CELF2: variants seen among roughly 807,000 people sequenced by gnomAD.
The protein encoded by CELF2 is CUG triplet repeat RNA-binding protein 2.
CELF2 carries 8 observed loss-of-function variants against 62.6 expected under a neutral mutation model. The ratio of observed to expected loss-of-function variants is 0.13; its 90% CI spans 0.07 to 0.23. The LOEUF (loss-of-function observed/expected upper bound fraction) is 0.23. CELF2 is among the 10% of genes least tolerant of loss of function. The pLI is 1.00. For synonymous variants in CELF2, 258 were observed against 250.0 expected (o/e 1.03, Z -0.30); for missense variants, 333 against 671.0 (o/e 0.50, Z 5.56).
the CELF2 span, among the ~76,000 whole-genome samples, chr10:10,664,898 G>C: frequency 6.6e-6 from 1 of 152,210 alleles, no homozygotes; most frequent in African/African-American, 2.4e-5. Flanking sequence ...CACATTTACT[G>C]TTCGAACTAA....
Position 11,261,834 on chromosome 10 carries a change from G to T in CELF2, c.538+3962G>T, listed in dbSNP as rs75978264. Among the ~76,000 whole-genome samples the T allele has an allele frequency of 2.6e-5, 4 of 152,226 alleles. No homozygotes were observed. In the South Asian group the frequency reaches 8.3e-4, roughly 32 times the overall value. ...TGGGCCCACATGTGGCAATTCACAT[G>T]AGGTGTTTGCTCTCAGAAGCAGAGC... On this transcript the variant is annotated intron_variant, in intron 5 of 12. Coordinates refer to ENST00000633077, the MANE Select transcript of CELF2 (RefSeq NM_001326342.2).
upstream of CELF2, among the ~76,000 whole-genome samples, chr10:10,795,492 A>C (rs2054090801): frequency 6.6e-6 from 1 of 152,148 alleles, no homozygotes; most frequent in South Asian, 2.1e-4. Flanking sequence ...TTTCTGTGTT[A>C]CAGATAAATA....
chr10:10,723,364 G>A, the CELF2 span, among the ~76,000 whole-genome samples: 1 of 152,172 alleles, frequency 6.6e-6, no homozygotes, highest in African/African-American at 2.4e-5. Context: ...CAGCATCCTG[G>A]AGAGGAAATT....
At chr10:10,681,314 G>A in the CELF2 span, among the ~76,000 whole-genome samples, 49 of 152,190 alleles carry the variant, frequency 3.2e-4, no homozygotes, top group African/African-American at 9.6e-4. Flanking sequence ...ATTGATCAGC[G>A]TCAGTTGTTA....
At chr10:10,743,097 A>AGTT in the CELF2 span, among the ~76,000 whole-genome samples, 2 of 152,222 alleles carry the variant, frequency 1.3e-5, no homozygotes, top group East Asian at 3.9e-4. Flanking sequence ...ATGATATTAG[A>AGTT]TCCCACAGAG....
At chr10:10,529,503 G>T in the CELF2 span, among the ~76,000 whole-genome samples, 1 of 152,006 alleles carries the variant, frequency 6.6e-6, no homozygotes, top group Non-Finnish European at 1.5e-5. Context: ...TGGCCAACAT[G>T]GGGAACCCCA....
chr10:10,805,637 G>C (rs10905830), intron 1 of CELF2, among the ~76,000 whole-genome samples: 26 of 152,154 alleles, frequency 1.7e-4, no homozygotes, highest in East Asian at 9.7e-4. Flanking sequence ...TTTAATGAGG[G>C]GGGGAGACGG....
chr10:10,869,604 T>C (rs984292145), intron 1 of CELF2, among the ~76,000 whole-genome samples: 1 of 152,048 alleles, frequency 6.6e-6, no homozygotes, highest in Admixed American at 6.6e-5. Context: ...CCTGCATATA[T>C]ATTTTAGGAT....
intron 1 of CELF2, among the ~76,000 whole-genome samples, chr10:10,861,924 G>T (rs1227523488): frequency 6.6e-6 from 1 of 152,066 alleles, no homozygotes; most frequent in East Asian, 1.9e-4. Flanking sequence ...CTAATAAAAG[G>T]CATTGGCAGA....
At chr10:10,509,245 T>C in the CELF2 span, among the ~76,000 whole-genome samples, 2 of 152,222 alleles carry the variant, frequency 1.3e-5, no homozygotes, top group Non-Finnish European at 2.9e-5. Flanking sequence ...TTGAGTAAAC[T>C]GTCCTAGCTC....
chr10:10,781,706 C>T, the CELF2 span, among the ~76,000 whole-genome samples: 2 of 152,100 alleles, frequency 1.3e-5, no homozygotes, highest in Non-Finnish European at 1.5e-5. Context: ...CATCAGTAGC[C>T]TAGGTGTGTA....
At chr10:11,301,643 G>C (rs2093763150) in intron 9 of CELF2, among the ~76,000 whole-genome samples, 1 of 149,710 alleles carries the variant, frequency 6.7e-6, no homozygotes, top group Admixed American at 6.6e-5. Context: ...CCTGGGAGCT[G>C]AGCGTGGCCC....
rs533707724 is a variant in CELF2 at position 10,945,361 on chromosome 10, C to T, written c.89+25362C>T. 1.9e-3 allele frequency among the ~76,000 whole-genome samples: 285 copies of T among 152,260 alleles called. 1 individual carries two copies. The highest frequency in any genetic ancestry group is 6.6e-3 in the African/African-American group (274 of 41,548). On this transcript the variant is annotated intron_variant, in intron 2 of 13. Transcript: ENST00000636488. ...GTAACTTGCCCTGAGTACCTGCTCT[C>T]GGCCAGACCCCAGCATATGCCACCT...
rs549361914 is a variant in CELF2, at chr10:11,194,891, T to C, written c.272-22534T>C. On this transcript the variant is annotated intron_variant, in intron 2 of 12. Coordinates refer to ENST00000633077, the MANE Select transcript of CELF2 (RefSeq NM_001326342.2). ...ACCATCTGGGTTACAAAAATCCCGA[T>C]GCGTCTTTGTTGGACAAGCCAGGAT... is the stretch of plus-strand genomic sequence containing the variant. Among the ~76,000 whole-genome samples the C allele has an allele frequency of 7.3e-4, 111 of 152,346 alleles. No homozygotes were observed. In the Middle Eastern group the frequency reaches 0.01, roughly 14 times the overall value.
At chr10:11,187,621 A>G (rs981807583) in intron 2 of CELF2, among the ~76,000 whole-genome samples, 5 of 150,938 alleles carry the variant, frequency 3.3e-5, no homozygotes, top group Non-Finnish European at 5.9e-5. Flanking sequence ...TATTACTTCA[A>G]ATTACTTTTT....
chr10:11,324,386 A>C lies in CELF2; in HGVS notation c.1295-1450A>C, dbSNP rs2095616346. Among the ~76,000 whole-genome samples, 1 of 152,216 alleles carries C rather than the reference A, an allele frequency of 6.6e-6. No individual in the cohort carries two copies. The highest frequency in any genetic ancestry group is 1.5e-5 in the Non-Finnish European group (1 of 68,034). ...AGCAGTGCTCAGAACATCCCTTTCC[A>C]GTGTTTCAGGTTTTGCATCTTTTCA... On this transcript the variant is annotated intron_variant, in intron 11 of 12. Coordinates refer to ENST00000633077, the MANE Select transcript of CELF2 (RefSeq NM_001326342.2). The surrounding 1 kb of genome is among the most constrained non-coding windows in gnomAD (Gnocchi z 4.7).
chr10:11,242,412 G>A lies in CELF2; in HGVS notation c.355-6741G>A, dbSNP rs142399793. Among the ~76,000 whole-genome samples, 12 of 152,032 alleles carry A rather than the reference G, an allele frequency of 7.9e-5. No individual in the cohort carries two copies. The highest frequency in any genetic ancestry group is 6.2e-4 in the South Asian group (3 of 4,804). ...CTCCAGACTAGGCCTGTGTTGGCTC[G>A]GAACCCTCCCTTCCTACAGCAGAGA... is the stretch of plus-strand genomic sequence containing the variant. On this transcript the variant is annotated intron_variant, in intron 3 of 12. Transcript: ENST00000633077. The surrounding 1 kb of genome is among the most constrained non-coding windows in gnomAD (Gnocchi z 4.8).
At chr10:10,473,324 C>A in the CELF2 span, among the ~76,000 whole-genome samples, 1 of 151,894 alleles carries the variant, frequency 6.6e-6, no homozygotes, top group South Asian at 2.1e-4. Flanking sequence ...CAGGAAACCA[C>A]CAATATCTAG....
rs1243098704 is a variant in CELF2, at chr10:11,297,908, G to C, written c.976+9356G>C. ...GAGGCAGGAAAATGACTTGAACCCA[G>C]GAGGCAGAGGTTGCAGTGAGCCGAG... On this transcript the variant is annotated intron_variant, in intron 9 of 12. Coordinates refer to ENST00000633077, the MANE Select transcript of CELF2 (RefSeq NM_001326342.2). This position sits in a 1 kb window ranked among gnomAD's most constrained non-coding sequence, Gnocchi z 4.4. Among the ~76,000 whole-genome samples the C allele has an allele frequency of 6.6e-6, 1 of 152,208 alleles. No homozygotes were observed. Among genetic ancestry groups the C allele is most frequent in the Non-Finnish European group, 1.5e-5 (1 of 68,044 alleles).
Sources: gnomAD v4.1 joint callset for allele counts (sites outside exome capture counted in the v4.1 genomes callset) on GRCh38, gnomAD v4.1.1 for gene constraint, Gnocchi (gnomAD v3.1) non-coding constraint, MANE v1.5 for transcripts, NCBI Gene and HGNC (gene_info 2026-07-23, HGNC 2026-07-21) for gene names.